ABTB3: variants seen among roughly 807,000 people sequenced by gnomAD.
ABTB3 encodes the protein ankyrin repeat- and BTB/POZ domain-containing protein 3.
chr12:107,452,848 A>G, the ABTB3 span, among the ~76,000 whole-genome samples: 1 of 152,206 alleles, frequency 6.6e-6, no homozygotes, highest in Non-Finnish European at 1.5e-5. Context: ...TCTCAAAAAC[A>G]AAAACAAGTA....
At chr12:107,388,427 C>T in the ABTB3 span, among the ~76,000 whole-genome samples, 8 of 151,592 alleles carry the variant, frequency 5.3e-5, no homozygotes, top group Admixed American at 4.6e-4. Flanking sequence ...TTTCTCCCTG[C>T]TTCCTTGTCT....
At chr12:107,561,416 A>C in the ABTB3 span, among the ~76,000 whole-genome samples, 1 of 152,134 alleles carries the variant, frequency 6.6e-6, no homozygotes, top group African/African-American at 2.4e-5. Flanking sequence ...CTTGCATGAG[A>C]GTTATCTGCT....
chr12:107,325,345 A>G, the ABTB3 span, among the ~76,000 whole-genome samples: 1 of 152,344 alleles, frequency 6.6e-6, no homozygotes, highest in Non-Finnish European at 1.5e-5. Context: ...TGGACCAAAA[A>G]TGTCACAGAA....
the ABTB3 span, among the ~76,000 whole-genome samples, chr12:107,494,590 G>A: frequency 1.3e-5 from 2 of 152,174 alleles, no homozygotes; most frequent in South Asian, 2.1e-4. Context: ...AAAAGGTCAC[G>A]GGAGTTTCTG....
chr12:107,568,497 G>T, the ABTB3 span, among the ~76,000 whole-genome samples: 2 of 152,158 alleles, frequency 1.3e-5, no homozygotes, highest in South Asian at 2.1e-4. Context: ...TGCATTGTCT[G>T]GGAGGATAGC....
At chr12:107,432,570 G>A in the ABTB3 span, among the ~76,000 whole-genome samples, 1 of 152,214 alleles carries the variant, frequency 6.6e-6, no homozygotes, top group African/African-American at 2.4e-5. Context: ...TGGTGCCAGT[G>A]CCTAGCTTCA....
chr12:107,427,461 G>A, the ABTB3 span, among the ~76,000 whole-genome samples: 3 of 151,882 alleles, frequency 2.0e-5, no homozygotes, highest in Non-Finnish European at 2.9e-5. Context: ...TTTATTTTTT[G>A]TAGACATGGG....
At chr12:107,363,703 C>T in the ABTB3 span, among the ~76,000 whole-genome samples, 1 of 152,076 alleles carries the variant, frequency 6.6e-6, no homozygotes, top group Non-Finnish European at 1.5e-5. Flanking sequence ...TTTTTTAAAG[C>T]AAGAAATTTT....
At chr12:107,631,752 G>A in the ABTB3 span, among the ~76,000 whole-genome samples, 1 of 152,124 alleles carries the variant, frequency 6.6e-6, no homozygotes, top group African/African-American at 2.4e-5. Context: ...GATTAGACTG[G>A]GGTTATGGAT....
At chr12:107,342,755 G>A in the ABTB3 span, among the ~76,000 whole-genome samples, 2 of 152,054 alleles carry the variant, frequency 1.3e-5, no homozygotes, top group Admixed American at 1.3e-4. Context: ...TTGCCCACCT[G>A]GAATGGCTCC....
the ABTB3 span, among the ~76,000 whole-genome samples, chr12:107,353,891 C>G: frequency 4.6e-5 from 7 of 152,220 alleles, no homozygotes; most frequent in South Asian, 6.2e-4. Flanking sequence ...TTCCCTCCCC[C>G]ACCTCCCCTC....
chr12:107,387,750 A>C, the ABTB3 span, among the ~76,000 whole-genome samples: 3 of 152,138 alleles, frequency 2.0e-5, no homozygotes, highest in Non-Finnish European at 4.4e-5. Flanking sequence ...CTCCTTCCTC[A>C]GAACAGCCCA....
chr12:107,377,996 G>T, the ABTB3 span, among the ~76,000 whole-genome samples: 1 of 152,206 alleles, frequency 6.6e-6, no homozygotes, highest in Non-Finnish European at 1.5e-5. Flanking sequence ...GGAAGTAAAA[G>T]GGAACCATGC....
the ABTB3 span, among the ~76,000 whole-genome samples, chr12:107,600,439 T>C: frequency 1.3e-5 from 2 of 152,204 alleles, no homozygotes; most frequent in African/African-American, 2.4e-5. Flanking sequence ...AAGCTGTTTG[T>C]AAATGTTTAC....
At chr12:107,369,707 GTTTTTTT>G in the ABTB3 span, among the ~76,000 whole-genome samples, 6 of 76,152 alleles carry the variant, frequency 7.9e-5, no homozygotes, top group East Asian at 1.8e-3. Flanking sequence ...CCCAAACATG[GTTTTTTT>G]TTTTTTTTTT....
the ABTB3 span, among the ~76,000 whole-genome samples, chr12:107,463,438 C>A: frequency 6.6e-6 from 1 of 152,114 alleles, no homozygotes; most frequent in African/African-American, 2.4e-5. Context: ...CCTTGATTAG[C>A]ACTTTATACA....
the ABTB3 span, among the ~76,000 whole-genome samples, chr12:107,362,796 A>C: frequency 6.6e-6 from 1 of 152,146 alleles, no homozygotes; most frequent in African/African-American, 2.4e-5. Context: ...TGTCTAAAAA[A>C]AAAAAAAGAT....
At chr12:107,644,417 C>A in the ABTB3 span, among the ~76,000 whole-genome samples, 1 of 152,132 alleles carries the variant, frequency 6.6e-6, no homozygotes, top group Admixed American at 6.5e-5. Flanking sequence ...TTTGCGGTCT[C>A]CCCCACCTTC....
the ABTB3 span, among the ~76,000 whole-genome samples, chr12:107,623,587 G>A: frequency 3.3e-5 from 5 of 151,212 alleles, no homozygotes; most frequent in African/African-American, 9.7e-5. Flanking sequence ...GGCTGGTCTC[G>A]AACTCCTGAC....
Sources: gnomAD v4.1 joint callset for allele counts (sites outside exome capture counted in the v4.1 genomes callset) on GRCh38, gnomAD v4.1.1 for gene constraint, MANE v1.5 for transcripts, NCBI Gene and HGNC (gene_info 2026-07-23, HGNC 2026-07-21) for gene names.